Variants in TXNRD3 observed in about 807,000 individuals in gnomAD.
TXNRD3 encodes TXNRD3 neighbor gene protein.
TXNRD3 carries 68 observed loss-of-function variants against 78.2 expected under a neutral mutation model. The ratio of observed to expected loss-of-function variants is 0.87; its 90% CI spans 0.72 to 1.06. TXNRD3 has a LOEUF of 1.06. Among genes scored for constraint, TXNRD3 ranks in the 50% least tolerant of loss-of-function variants. The pLI is 0.00. For missense variants in TXNRD3, 751 were observed against 809.5 expected (o/e 0.93, Z 0.88); for synonymous variants, 296 against 300.1 (o/e 0.99, Z 0.14).
intron 9 of TXNRD3, among the ~76,000 whole-genome samples, chr3:126,630,175 A>G (rs1938674985): frequency 1.3e-5 from 2 of 152,248 alleles, no homozygotes; most frequent in African/African-American, 4.8e-5. Flanking sequence ...CAAGAGGCCC[A>G]GTAAGATAAG....
chr3:126,644,157 A>T, intron 4 of TXNRD3, 104 bp from the exon 5 acceptor site: 1 of 1,390,946 alleles, frequency 7.2e-7, no homozygotes, highest in Non-Finnish European at 9.8e-7. Context: ...TGTGACACAC[A>T]ATCTTTTACC....
At chr3:126,637,944 T>C (rs1166143057) in intron 6 of TXNRD3, among the ~76,000 whole-genome samples, 10 of 114,650 alleles carry the variant, frequency 8.7e-5, no homozygotes, top group Admixed American at 7.2e-4. Context: ...TTTTTTTTTT[T>C]TTTTTTTTTT....
intron 7 of TXNRD3, among the ~76,000 whole-genome samples, 173 bp downstream of exon 7, chr3:126,633,736 A>G (rs1938781322): frequency 6.6e-6 from 1 of 152,230 alleles, no homozygotes. Flanking sequence ...TTAACCAAAC[A>G]TGTAGAATTA....
Position 126,646,181 on chromosome 3 carries a change from G to T in TXNRD3, c.344C>A (p.Thr115Asn), listed in dbSNP as rs1473882962. 1.3e-6 allele frequency: 2 copies of T among 1,534,608 alleles called. No homozygotes were observed. The highest frequency in any genetic ancestry group is 8.7e-7 in the Non-Finnish European group (1 of 1,146,438). Residue 115 changes from threonine (T) to asparagine (N), a missense_variant, in exon 3 of 16, where the codon ACT becomes AAT. Thr to Asn is a moderately conservative substitution (Grantham distance 65). Coordinates refer to ENST00000524230, the MANE Select transcript of TXNRD3 (RefSeq NM_052883.3). The stretch of plus-strand genomic sequence containing the variant: ...AATATTGGGCACAGTTTTCTGATTA[G>T]TGATTTCTGACAGCACTTCTTGAAC...
Position 126,651,266 on chromosome 3 carries a change from C to T in TXNRD3, c.243+3482G>A, listed in dbSNP as rs138284060. Among the ~76,000 whole-genome samples the T allele has an allele frequency of 4.3e-3, 659 of 152,204 alleles. 6 individuals are homozygous for T. Among genetic ancestry groups the T allele is most frequent in the African/African-American group, 0.015 (632 of 41,526 alleles). On this transcript the variant is annotated intron_variant, in intron 1 of 15. Transcript: ENST00000524230. Reference sequence around the variant, plus strand: ...GCAAGAAAAACACTTGGCGAAAGTACGGGAAGATCTGCCTTCCAAGCAGAA... The same window carrying T: ...GCAAGAAAAACACTTGGCGAAAGTATGGGAAGATCTGCCTTCCAAGCAGAA...
At chr3:126,645,778 G>A (rs553774166) in intron 3 of TXNRD3, among the ~76,000 whole-genome samples, 13 of 152,188 alleles carry the variant, frequency 8.5e-5, no homozygotes, top group African/African-American at 2.6e-4. Flanking sequence ...AATTCTAATT[G>A]TCCTAGACAA....
intron 1 of TXNRD3, among the ~76,000 whole-genome samples, chr3:126,651,229 C>T (rs1191569441): frequency 1.3e-5 from 2 of 152,112 alleles, no homozygotes; most frequent in Non-Finnish European, 1.5e-5. Flanking sequence ...AGAAAGCAGG[C>T]TACTCAGTCA....
intron 10 of TXNRD3, among the ~76,000 whole-genome samples, chr3:126,622,978 G>A (rs916782010): frequency 6.6e-6 from 1 of 152,084 alleles, no homozygotes; most frequent in Non-Finnish European, 1.5e-5. Context: ...ACAAGCCTAG[G>A]AGAGAGGCCT....
intron 6 of TXNRD3, 82 bp downstream of exon 6, chr3:126,641,950 T>A (rs972266154): frequency 2.1e-6 from 3 of 1,402,526 alleles, no homozygotes; most frequent in Non-Finnish European, 1.9e-6. Context: ...AACTCAACTA[T>A]AAAAATATGA....
In TXNRD3 at chr3:126,607,176, T is replaced by C. The variant is rs1409066856; in HGVS notation, c.*729A>G. 2.0e-5 allele frequency: 3 copies of C among 152,234 alleles called. No homozygotes were observed. The highest frequency in any genetic ancestry group is 4.4e-5 in the Non-Finnish European group (3 of 68,044). The allele number at this position is 152,234 out of a possible 1,614,324, so 9.4% of individuals were successfully genotyped here. On this transcript the variant is annotated 3_prime_UTR_variant, in exon 16 of 16. Transcript: ENST00000524230. ...ACTTTTGGAAATAATACTATTAAGA[T>C]GAACATGAAAAAGCAATTCAAGTAC...
chr3:126,614,003 G>T (rs1015430922), intron 13 of TXNRD3, among the ~76,000 whole-genome samples: 54 of 152,228 alleles, frequency 3.5e-4, no homozygotes, highest in Non-Finnish European at 1.5e-4. Context: ...GGGACAGGAT[G>T]TGGTGGGAGA....
At chr3:126,636,159 A>G (rs1360877122) in intron 6 of TXNRD3, among the ~76,000 whole-genome samples, 1 of 152,112 alleles carries the variant, frequency 6.6e-6, no homozygotes, top group African/African-American at 2.4e-5. Context: ...GCTAGTCTCA[A>G]GCTCCTCATC....
intron 1 of TXNRD3, among the ~76,000 whole-genome samples, chr3:126,649,845 G>A (rs1933329600): frequency 6.6e-6 from 1 of 152,190 alleles, no homozygotes; most frequent in Admixed American, 6.5e-5. Flanking sequence ...GCTGGGAGAA[G>A]GAGGAAAAGG....
rs1221323324 is a variant in TXNRD3, at chr3:126,611,098, G to A, written c.1667C>T (p.Thr556Ile). Residue 556 changes from threonine to isoleucine, a missense_variant, in exon 14 of 16, where the codon ACA (threonine) becomes ATA (isoleucine). Physicochemically the swap from Thr to Ile is moderately conservative, Grantham distance 89. Coordinates refer to ENST00000524230, the MANE Select transcript of TXNRD3 (RefSeq NM_052883.3). ...AGTGTTGTTCTCTCTGCCAGCTACT[G>A]TCCATTCAAGAGGCCAGAACAAAGT... is the stretch of plus-strand genomic sequence containing the variant. 4 of 1,527,348 alleles carry A rather than the reference G, an allele frequency of 2.6e-6. No individual in the cohort carries two copies. The Admixed American group carries it at 8.0e-5, about 30-fold the overall frequency. 94.6% of individuals were successfully genotyped at this position (1,527,348 alleles called of 1,614,324 possible).
intron 6 of TXNRD3, among the ~76,000 whole-genome samples, chr3:126,641,401 G>A (rs1055688405): frequency 6.6e-6 from 1 of 151,924 alleles, no homozygotes; most frequent in African/African-American, 2.4e-5. Context: ...AGTCTTAAAG[G>A]TCCTACTCCT....
chr3:126,647,082 A>G (rs1300515673), intron 2 of TXNRD3, among the ~76,000 whole-genome samples, 154 bp downstream of exon 2: 2 of 152,226 alleles, frequency 1.3e-5, no homozygotes, highest in Non-Finnish European at 2.9e-5. Flanking sequence ...TATCTGCCAC[A>G]TTAGGGTTCA....
At position 126,641,276 on chromosome 3, in the gene TXNRD3, G is replaced by A. The variant is rs1933079334; in HGVS notation, c.712+756C>T. Among the ~76,000 whole-genome samples the A allele has an allele frequency of 2.0e-5, 3 of 152,166 alleles. No individual in the cohort carries two copies. The South Asian group carries it at 6.2e-4, about 32-fold the overall frequency. On this transcript the variant is annotated intron_variant, in intron 6 of 15. Transcript: ENST00000524230. ...AGTAGGACTCAGAATCACAGCCGTG[G>A]CTCATGCTCCTCTCCTGCTTCAACT...
intron 6 of TXNRD3, among the ~76,000 whole-genome samples, chr3:126,639,924 T>A (rs925482155): frequency 2.0e-5 from 3 of 151,914 alleles, no homozygotes; most frequent in African/African-American, 7.3e-5. Flanking sequence ...CAAATAAAAC[T>A]ACCCCAAAAT....
chr3:126,631,350 CAT>C (rs1051115521), intron 8 of TXNRD3, among the ~76,000 whole-genome samples: 5 of 152,128 alleles, frequency 3.3e-5, no homozygotes, highest in Admixed American at 6.6e-5. Flanking sequence ...TCATTACACA[CAT>C]GTCCTGTTTG....
Sources: gnomAD v4.1 joint callset for allele counts (sites outside exome capture counted in the v4.1 genomes callset) on GRCh38, gnomAD v4.1.1 for gene constraint, MANE v1.5 for transcripts, NCBI Gene and HGNC (gene_info 2026-07-23, HGNC 2026-07-21) for gene names.